The following PTPRN2 variants were observed in gnomAD, a reference collection of about 807,000 sequenced individuals.
PTPRN2 encodes the protein protein tyrosine phosphatase receptor type N2.
In PTPRN2, 74 loss-of-function variants were observed where a neutral mutation model predicts 118.8. The ratio of observed to expected loss-of-function variants is 0.62; its 90% confidence interval spans 0.52 to 0.76. The LOEUF is 0.76. Among genes scored for constraint, PTPRN2 ranks in the 30% least tolerant of loss-of-function variants. The pLI is 0.00. For missense variants in PTPRN2, 1,481 were observed against 1,394.4 expected (o/e 1.06, Z -0.99); for synonymous variants, 641 against 608.0 (o/e 1.05, Z -0.80).
chr7:158,188,186 C>CCT (rs1563576303), intron 5 of PTPRN2, among the ~76,000 whole-genome samples: 34 of 57,798 alleles, frequency 5.9e-4, no homozygotes, highest in East Asian at 1.3e-3. Flanking sequence ...GCTCGCCCCG[C>CCT]GATGGGGAAG....
At chr7:158,127,805 G>T (rs184694065) in intron 9 of PTPRN2, among the ~76,000 whole-genome samples, 334 of 152,258 alleles carry the variant, frequency 2.2e-3, no homozygotes, top group African/African-American at 7.6e-3. Flanking sequence ...CCTATACCTG[G>T]TGTCCGTCCT....
At position 158,188,637 on chromosome 7, in the gene PTPRN2, G is replaced by A. The variant is rs569558734; in HGVS notation, c.549+3690C>T. 5.2e-4 allele frequency among the ~76,000 whole-genome samples: 66 copies of A among 127,196 alleles called. 1 individual carries two copies. The highest frequency in any genetic ancestry group is 1.7e-3 in the African/African-American group (56 of 32,862). 83.4% of individuals were successfully genotyped at this position (127,196 alleles called of 152,430 possible). On this transcript the variant is annotated intron_variant, in intron 5 of 22. Coordinates refer to ENST00000389418, the MANE Select transcript of PTPRN2 (RefSeq NM_002847.5). Reference sequence around the variant, plus strand: ...CGCTCGCCCCCTGATGGGGAAGGCCGCCACGCTCGCCCCCTGATGGGGAAG... The same window carrying A: ...CGCTCGCCCCCTGATGGGGAAGGCCACCACGCTCGCCCCCTGATGGGGAAG...
At chr7:157,875,007 GCACACAGACACACAGACA>G (rs148139499) in intron 12 of PTPRN2, among the ~76,000 whole-genome samples, 2 of 151,020 alleles carry the variant, frequency 1.3e-5, no homozygotes, top group Non-Finnish European at 3.0e-5. Flanking sequence ...AAACGTGCAT[GCACACAGACACACAGACA>G]CACGCAGACA....
At chr7:158,380,112 C>G (rs1460535079) in intron 2 of PTPRN2, among the ~76,000 whole-genome samples, 1 of 152,160 alleles carries the variant, frequency 6.6e-6, no homozygotes, top group Admixed American at 6.6e-5. Context: ...TCAGTGGGGA[C>G]ACAGCCAAAC....
chr7:157,859,744 C>T (rs1291043201), intron 12 of PTPRN2, among the ~76,000 whole-genome samples: 2 of 91,370 alleles, frequency 2.2e-5, no homozygotes, highest in Non-Finnish European at 4.4e-5. Flanking sequence ...GGGAGAGCCC[C>T]GGCCACCACC....
At position 157,656,455 on chromosome 7, in the gene PTPRN2, C is replaced by T. The variant is rs756749450; in HGVS notation, c.2098G>A (p.Gly700Arg). 10 of 1,553,990 alleles carry T rather than the reference C, an allele frequency of 6.4e-6. No homozygotes were observed. The highest frequency in any genetic ancestry group is 2.4e-5 in the East Asian group (1 of 41,268). Reference protein sequence around the residue: ...ISSVSSQFSDGPIPSPSARSS... With the variant: ...ISSVSSQFSDRPIPSPSARSS... Reference sequence around the variant, plus strand: ...CGTGCGGAGGGGCTGGGGATCGGCCCGTCGCTGAACTGGGATGAGACGCTG... The same window carrying T: ...CGTGCGGAGGGGCTGGGGATCGGCCTGTCGCTGAACTGGGATGAGACGCTG... Residue 700 changes from glycine (G) to arginine (R), a missense_variant, in exon 14 of 23, where the codon GGG becomes AGG. Physicochemically the swap from Gly to Arg is moderately radical, Grantham distance 125. Around this residue, in one of 3 missense-constraint regions of PTPRN2, gnomAD observed 1,115 missense variants for 994.2 expected, o/e 1.12. Transcript: ENST00000389418.
intron 13 of PTPRN2, among the ~76,000 whole-genome samples, chr7:157,658,962 C>T (rs527267656): frequency 2.0e-5 from 3 of 152,052 alleles, no homozygotes; most frequent in Non-Finnish European, 4.4e-5. Context: ...CCAAGGCAAT[C>T]GCCAAAGCTC....
intron 11 of PTPRN2, among the ~76,000 whole-genome samples, chr7:157,939,855 C>T (rs1300392827): frequency 1.3e-5 from 2 of 152,206 alleles, no homozygotes; most frequent in African/African-American, 2.4e-5. Flanking sequence ...TCTACAAATG[C>T]CACAGGTCTC....
intron 17 of PTPRN2, among the ~76,000 whole-genome samples, chr7:157,593,013 CGGAGGGTGGATGTGGCACCTGCTGAAT>C (rs1801084842): frequency 8.0e-6 from 1 of 124,740 alleles, no homozygotes; most frequent in Non-Finnish European, 1.7e-5. Flanking sequence ...TCACGCAGGA[CGGAGGGTGGATGTGGCACCTGCTGAAT>C]GGAGGGTGGA....
rs1804005736 is a variant in PTPRN2 at position 157,785,889 on chromosome 7, T to G, written c.1789-102952A>C. ...TGGAGTTCATAATCACTGGTTTTTT[T>G]TGTGTGCGTGTTCACCAGCCTGCTC... On this transcript the variant is annotated intron_variant, in intron 12 of 22. Coordinates refer to ENST00000389418, the MANE Select transcript of PTPRN2 (RefSeq NM_002847.5). The surrounding 1 kb of genome is among the most constrained non-coding windows in gnomAD (Gnocchi z 7.3). 1.3e-5 allele frequency among the ~76,000 whole-genome samples: 2 copies of G among 152,102 alleles called. No homozygotes were observed. Among genetic ancestry groups the G allele is most frequent in the Non-Finnish European group, 1.5e-5 (1 of 67,998 alleles).
intron 11 of PTPRN2, among the ~76,000 whole-genome samples, chr7:157,948,850 T>C (rs4716821): frequency 0.52 from 79,043 of 151,598 alleles, 21,432 homozygotes; most frequent in African/African-American, 0.66. Context: ...CGGTTGGCCT[T>C]AAAACAAGAT....
chr7:157,548,855 A>T, intron 22 of PTPRN2, 91 bp downstream of exon 22: 2 of 1,259,898 alleles, frequency 1.6e-6, no homozygotes, highest in Non-Finnish European at 2.3e-6. Context: ...GGCTCACATT[A>T]AACCAGGCCC....
chr7:157,762,624 T>G, intron 12 of PTPRN2, among the ~76,000 whole-genome samples: 1 of 145,732 alleles, frequency 6.9e-6, no homozygotes. Flanking sequence ...GGGATAGCAA[T>G]GGGAGATATA....
chr7:157,582,866 C>A (rs1800471547), intron 17 of PTPRN2, among the ~76,000 whole-genome samples: 1 of 146,096 alleles, frequency 6.8e-6, no homozygotes, highest in African/African-American at 2.6e-5. Flanking sequence ...AAGAGCAAAA[C>A]TCCACCTCAA....
intron 3 of PTPRN2, among the ~76,000 whole-genome samples, chr7:158,224,119 A>C (rs919240547): frequency 1.5e-4 from 23 of 152,228 alleles, no homozygotes; most frequent in Non-Finnish European, 2.9e-5. Flanking sequence ...AGATCAAAAT[A>C]AATGACAGAC....
rs2150618948 is a variant in PTPRN2 at position 157,615,807 on chromosome 7, A to C, written c.2344+5555T>G. The stretch of plus-strand genomic sequence containing the variant: ...AGGCTCGATTCTCCTGTTAAACTTG[A>C]CTGTCACCAACGGGGGGTGGGGGGT... On this transcript the variant is annotated intron_variant, in intron 15 of 22. Transcript: ENST00000389418. The surrounding 1 kb of genome is among the most constrained non-coding windows in gnomAD (Gnocchi z 4.3). 4 of 349,940 alleles carry C rather than the reference A, an allele frequency of 1.1e-5. No individual in the cohort carries two copies. Among genetic ancestry groups the C allele is most frequent in the South Asian group, 2.1e-5 (1 of 46,810 alleles). 21.7% of individuals were successfully genotyped at this position (349,940 alleles called of 1,614,324 possible). A position where few individuals can be genotyped will look rare whatever the true frequency, so the allele number is the denominator to read the frequency against.
chr7:158,085,848 A>G (rs540758267), intron 10 of PTPRN2, among the ~76,000 whole-genome samples: 39 of 117,196 alleles, frequency 3.3e-4, no homozygotes, highest in Non-Finnish European at 3.9e-4. Flanking sequence ...CATGACGCCC[A>G]TCCACACCCA....
At position 157,801,471 on chromosome 7, in the gene PTPRN2, G is replaced by A. The variant is rs59004016; in HGVS notation, c.1788+97202C>T. ...ATCCTCCCCGTGAGAGCAGCTGCAT[G>A]GATTTTTTTAATGTCAAATTCCATA... On this transcript the variant is annotated intron_variant, in intron 12 of 22. Coordinates refer to ENST00000389418, the MANE Select transcript of PTPRN2 (RefSeq NM_002847.5). This position sits in a 1 kb window ranked among gnomAD's most constrained non-coding sequence, Gnocchi z 4.2. Among the ~76,000 whole-genome samples, 18,218 of 152,076 alleles carry A rather than the reference G, an allele frequency of 0.12. 1,358 individuals carry two copies. Among genetic ancestry groups the A allele is most frequent in the African/African-American group, 0.21 (8,588 of 41,452 alleles).
chr7:157,718,443 G>A (rs915895713), intron 12 of PTPRN2, among the ~76,000 whole-genome samples: 7 of 152,218 alleles, frequency 4.6e-5, no homozygotes, highest in South Asian at 2.1e-4. Flanking sequence ...TTCACAGGGC[G>A]TGTTTGGAGA....
Sources: allele counts gnomAD v4.1 joint callset (sites outside exome capture counted in the v4.1 genomes callset), GRCh38; gene constraint gnomAD v4.1.1; regional missense constraint gnomAD v4.1.1; non-coding constraint Gnocchi (gnomAD v3.1); transcripts MANE v1.5; gene names NCBI Gene and HGNC (gene_info 2026-07-23, HGNC 2026-07-21).